The following CCDC66 variants were observed in gnomAD, a reference collection of about 807,000 sequenced individuals.
CCDC66 encodes the protein coiled-coil domain containing 66.
A neutral mutation model predicts 128.3 loss-of-function variants in CCDC66; 133 were observed. The observed-to-expected ratio is 1.04, with a 90% confidence interval of 0.90 to 1.20. The LOEUF is 1.20. Among genes scored for constraint, CCDC66 ranks in the 50% most tolerant of loss-of-function variants. The pLI, the probability that CCDC66 is intolerant of heterozygous loss-of-function variation, is 0.00. For missense variants in CCDC66, 1,126 were observed against 1,075.5 expected (o/e 1.05, Z -0.66); for synonymous variants, 387 against 357.0 (o/e 1.08, Z -0.95).
At position 56,619,406 on chromosome 3, in the gene CCDC66, T is replaced by C. The variant is rs2076037780; in HGVS notation, c.2514T>C (p.Ser838=). 3.7e-6 allele frequency: 6 copies of C among 1,614,132 alleles called. No homozygotes were observed. The East Asian group carries it at 1.3e-4, about 36-fold the overall frequency. Residue 838 remains serine (S), a synonymous_variant, in exon 16 of 18, where the codon TCT becomes TCC. Transcript: ENST00000394672. ...ISGSNQTELS[S]GISESSHFIP... is the part of the protein sequence containing the mutation. ...GAAGTAATCAAACAGAATTATCATC[T>C]GGGATTTCTGAATCATCCCATTTTA... is the stretch of plus-strand genomic sequence containing the variant.
chr3:56,586,537 A>G (rs1056975776), intron 7 of CCDC66, among the ~76,000 whole-genome samples: 7 of 151,150 alleles, frequency 4.6e-5, no homozygotes, highest in African/African-American at 1.5e-4. Context: ...CTCAAAAAAA[A>G]AAAAAGAAAA....
At chr3:56,590,770 CAAAAG>C (rs1280894178) in intron 7 of CCDC66, among the ~76,000 whole-genome samples, 3 of 151,478 alleles carry the variant, frequency 2.0e-5, no homozygotes, top group Non-Finnish European at 4.4e-5. Context: ...AATAAAAACA[CAAAAG>C]AGAATAGGCT....
chr3:56,617,938 A>G (rs943682067), intron 14 of CCDC66: 9 of 582,012 alleles, frequency 1.5e-5, no homozygotes, highest in African/African-American at 1.5e-4. Context: ...TGTGTATTCA[A>G]ATACCCCTTT....
intron 7 of CCDC66, among the ~76,000 whole-genome samples, chr3:56,588,243 G>A (rs2070176542): frequency 6.6e-6 from 1 of 152,192 alleles, no homozygotes; most frequent in Admixed American, 6.5e-5. Flanking sequence ...ATAAGTGGGA[G>A]CTAAGCTATG....
intron 7 of CCDC66, among the ~76,000 whole-genome samples, chr3:56,586,913 G>T (rs143709696): frequency 6.6e-6 from 1 of 151,690 alleles, no homozygotes; most frequent in Admixed American, 6.6e-5. Flanking sequence ...AAAATTAGCC[G>T]AGCATGGTGG....
chr3:56,572,989 G>T (rs185649853), intron 7 of CCDC66: 1 of 152,302 alleles, frequency 6.6e-6, no homozygotes, highest in Admixed American at 6.5e-5. Context: ...ACCGTTAAAA[G>T]TTGTAGCTAA....
At chr3:56,565,732 T>C (rs2065748657) in intron 4 of CCDC66, among the ~76,000 whole-genome samples, 1 of 151,586 alleles carries the variant, frequency 6.6e-6, no homozygotes, top group South Asian at 2.1e-4. Context: ...AGTGGTGCGA[T>C]CTCGGCTCAC....
chr3:56,590,762 TAAA>T (rs1559690890), intron 7 of CCDC66, among the ~76,000 whole-genome samples: 2 of 150,756 alleles, frequency 1.3e-5, no homozygotes, highest in African/African-American at 4.9e-5. Flanking sequence ...AAAAAAAAAA[TAAA>T]AACACAAAAG....
chr3:56,592,630 G>C (rs553563269), intron 7 of CCDC66, among the ~76,000 whole-genome samples: 7 of 151,898 alleles, frequency 4.6e-5, no homozygotes, highest in Admixed American at 1.3e-4. Flanking sequence ...CTCCCAACAT[G>C]CTGGGATTAT....
At chr3:56,612,032 T>C (rs1171345515) in intron 10 of CCDC66, among the ~76,000 whole-genome samples, 1 of 152,218 alleles carries the variant, frequency 6.6e-6, no homozygotes, top group Non-Finnish European at 1.5e-5. Flanking sequence ...AAATTCACAA[T>C]GCAAGCCTCC....
chr3:56,597,238 A>G (rs1289057281), intron 10 of CCDC66, among the ~76,000 whole-genome samples: 2 of 151,996 alleles, frequency 1.3e-5, no homozygotes, highest in Non-Finnish European at 2.9e-5. Context: ...TGGATTCCCT[A>G]TTCTGTTCCA....
intron 7 of CCDC66, among the ~76,000 whole-genome samples, chr3:56,591,607 C>A (rs2070909317): frequency 6.6e-6 from 1 of 152,260 alleles, no homozygotes; most frequent in African/African-American, 2.4e-5. Context: ...TTTTTCTTTT[C>A]CCATTTTGAC....
At chr3:56,619,687 T>C (rs539932417) in intron 16 of CCDC66, 90 bp from the exon 17 acceptor site, 3 of 1,514,364 alleles carry the variant, frequency 2.0e-6, no homozygotes, top group African/African-American at 1.4e-5. Context: ...TACATACTTA[T>C]TATAATGACT....
chr3:56,562,283 C>G (rs1298507086), intron 3 of CCDC66, among the ~76,000 whole-genome samples: 1 of 152,038 alleles, frequency 6.6e-6, no homozygotes, highest in East Asian at 1.9e-4. Context: ...CTCCTGGGCT[C>G]AAGCGATCCT....
At chr3:56,578,448 G>T (rs969970526) in intron 7 of CCDC66, among the ~76,000 whole-genome samples, 1 of 151,782 alleles carries the variant, frequency 6.6e-6, no homozygotes, top group Non-Finnish European at 1.5e-5. Flanking sequence ...ATACTATGTT[G>T]AATAGGAGTG....
rs779962162 is a variant in CCDC66 at position 56,564,118 on chromosome 3, G to A, written c.537G>A (p.Glu179=). Residue 179 remains glutamate, a synonymous_variant, in exon 4 of 18, where the codon GAG becomes GAA. Transcript: ENST00000394672. ...RSLSLTENGK[E]AKSQYSLYLN... is the part of the protein sequence containing the mutation. Reference sequence around the variant, plus strand: ...TTTCCCTGACTGAGAATGGAAAGGAGGCAAAAAGTAAGATTTTTCTAAAGT... The same window carrying A: ...TTTCCCTGACTGAGAATGGAAAGGAAGCAAAAAGTAAGATTTTTCTAAAGT... The A allele has an allele frequency of 1.9e-6, 3 of 1,580,786 alleles. No individual in the cohort carries two copies. The highest frequency in any genetic ancestry group is 1.7e-6 in the Non-Finnish European group (2 of 1,166,132).
intron 7 of CCDC66, among the ~76,000 whole-genome samples, chr3:56,584,013 G>A (rs1156646128): frequency 1.0e-5 from 1 of 95,542 alleles, no homozygotes; most frequent in Non-Finnish European, 2.2e-5. Context: ...TGGCCGGGCG[G>A]GGGGCTGCCC....
At chr3:56,615,359 C>A (rs531805142) in intron 12 of CCDC66, 87 bp downstream of exon 12, 2 of 1,349,534 alleles carry the variant, frequency 1.5e-6, no homozygotes, top group East Asian at 2.6e-5. Flanking sequence ...GAGACAAGGA[C>A]TCATTCTGTT....
At chr3:56,573,470 G>A (rs933842442) in intron 7 of CCDC66, among the ~76,000 whole-genome samples, 4 of 152,296 alleles carry the variant, frequency 2.6e-5, no homozygotes, top group East Asian at 1.9e-4. Flanking sequence ...CTGAATATAC[G>A]TATTTAATAA....
Sources: allele counts gnomAD v4.1 joint callset (sites outside exome capture counted in the v4.1 genomes callset), GRCh38; gene constraint gnomAD v4.1.1; transcripts MANE v1.5; gene names NCBI Gene and HGNC (gene_info 2026-07-23, HGNC 2026-07-21).